NDRG3: variants seen among roughly 807,000 people sequenced by gnomAD.
The protein encoded by NDRG3 is NDRG family member 3, also known as protein NDRG3.
NDRG3 carries 23 observed loss-of-function variants against 57.2 expected under a neutral mutation model. That is an observed-to-expected ratio of 0.40 (90% CI 0.29 to 0.57). The LOEUF (loss-of-function observed/expected upper bound fraction) is 0.57. Among genes scored for constraint, NDRG3 ranks in the 20% least tolerant of loss-of-function variants. The pLI is 0.42. For synonymous variants in NDRG3, 132 were observed against 162.6 expected (o/e 0.81, Z 1.43); for missense variants, 384 against 457.3 (o/e 0.84, Z 1.46).
At chr20:36,714,998 GTGTGTGTGTATATATATATATATA>G (rs1180459449) in intron 2 of NDRG3, among the ~76,000 whole-genome samples, 2 of 56,882 alleles carry the variant, frequency 3.5e-5, no homozygotes, top group African/African-American at 8.2e-5. Context: ...GTGTGTGTGT[GTGTGTGTGTATATATATATATATA>G]TATATATATA....
chr20:36,669,810 C>T (rs970890167), intron 9 of NDRG3, among the ~76,000 whole-genome samples: 1 of 152,064 alleles, frequency 6.6e-6, no homozygotes, highest in Non-Finnish European at 1.5e-5. Context: ...GTTGGCCATG[C>T]TGGTCTCAAA....
chr20:36,705,680 G>A (rs1983511443), intron 3 of NDRG3, among the ~76,000 whole-genome samples: 1 of 152,108 alleles, frequency 6.6e-6, no homozygotes, highest in Admixed American at 6.6e-5. Flanking sequence ...GGAGGGTCAG[G>A]CTGCCCAGCT....
intron 1 of NDRG3, among the ~76,000 whole-genome samples, chr20:36,738,229 C>T (rs908908966): frequency 1.3e-5 from 2 of 151,992 alleles, no homozygotes; most frequent in Admixed American, 6.6e-5. Context: ...TTAAAACCAT[C>T]CCAACAAAAT....
intron 6 of NDRG3, among the ~76,000 whole-genome samples, chr20:36,684,024 T>A (rs1981562747): frequency 6.6e-6 from 1 of 152,184 alleles, no homozygotes; most frequent in Non-Finnish European, 1.5e-5. Context: ...ATACAGGGTG[T>A]CTCACTGTTA....
chr20:36,677,533 T>G (rs571439249), intron 8 of NDRG3, among the ~76,000 whole-genome samples: 1 of 152,254 alleles, frequency 6.6e-6, no homozygotes, highest in African/African-American at 2.4e-5. Context: ...GTAGAGACAC[T>G]GGACAACCAG....
At chr20:36,704,246 T>C (rs1983416655) in intron 3 of NDRG3, among the ~76,000 whole-genome samples, 1 of 152,038 alleles carries the variant, frequency 6.6e-6, no homozygotes, top group African/African-American at 2.4e-5. Context: ...CTGGCTAATT[T>C]TTGTATTTTT....
intron 1 of NDRG3, among the ~76,000 whole-genome samples, chr20:36,739,291 G>A (rs1600980382): frequency 6.8e-6 from 1 of 147,764 alleles, no homozygotes; most frequent in Non-Finnish European, 1.5e-5. Context: ...TACTAAAAAT[G>A]CAAAAATGAG....
chr20:36,655,755 T>G (rs371169358), intron 15 of NDRG3, among the ~76,000 whole-genome samples: 2 of 152,182 alleles, frequency 1.3e-5, no homozygotes, highest in South Asian at 2.1e-4. Flanking sequence ...GCAGCTGAAT[T>G]TTTACCCTTG....
chr20:36,721,527 CA>C (rs1162229172), intron 2 of NDRG3, 151 bp downstream of exon 2: 18,107 of 419,942 alleles, frequency 0.043, no homozygotes, highest in South Asian at 0.067. Context: ...GACACCGTCT[CA>C]AAAAAAAAAA....
intron 1 of NDRG3, among the ~76,000 whole-genome samples, chr20:36,738,273 G>A (rs928450312): frequency 2.0e-5 from 3 of 151,456 alleles, no homozygotes; most frequent in African/African-American, 7.3e-5. Context: ...TAGCACTTTC[G>A]GAGGCCAAGG....
At chr20:36,745,955 A>T in intron 1 of NDRG3, 90 bp downstream of exon 1, 1 of 277,512 alleles carries the variant, frequency 3.6e-6, no homozygotes, top group Non-Finnish European at 6.9e-6. Flanking sequence ...TGCCGCGGAG[A>T]TGATGCGGGG....
chr20:36,705,852 C>T (rs1337886000), intron 3 of NDRG3, among the ~76,000 whole-genome samples: 1 of 152,178 alleles, frequency 6.6e-6, no homozygotes, highest in African/African-American at 2.4e-5. Flanking sequence ...TCAAGCAATT[C>T]TCCCACCTCA....
At chr20:36,712,556 C>T (rs1300911486) in intron 2 of NDRG3, among the ~76,000 whole-genome samples, 56 of 69,338 alleles carry the variant, frequency 8.1e-4, no homozygotes, top group African/African-American at 2.3e-3. Flanking sequence ...CCACCATGCC[C>T]GGCTATATAT....
chr20:36,660,454 T>C, intron 12 of NDRG3, 70 bp from the exon 13 acceptor site: 2 of 1,177,530 alleles, frequency 1.7e-6, no homozygotes, highest in Admixed American at 3.5e-5. Context: ...TAGCTCGGTA[T>C]GAGAATCATC....
chr20:36,707,328 T>C (rs1255423702), intron 2 of NDRG3, among the ~76,000 whole-genome samples: 1 of 152,096 alleles, frequency 6.6e-6, no homozygotes, highest in Non-Finnish European at 1.5e-5. Context: ...GGGTAAAACA[T>C]GGACCACAGT....
At chr20:36,708,601 T>C (rs780653280) in intron 2 of NDRG3, among the ~76,000 whole-genome samples, 1 of 148,762 alleles carries the variant, frequency 6.7e-6, no homozygotes, top group Non-Finnish European at 1.5e-5. Flanking sequence ...TGAGCCGATA[T>C]TGAGCCATTG....
chr20:36,666,401 A>C lies in NDRG3; in HGVS notation c.589-9T>G. 6.3e-7 allele frequency: 1 copy of C among 1,596,204 alleles called. No individual in the cohort carries two copies. Among genetic ancestry groups the C allele is most frequent in the South Asian group, 1.1e-5 (1 of 90,664 alleles). On this transcript the variant is annotated splice_polypyrimidine_tract_variant and intron_variant, in intron 9 of 15. Transcript: ENST00000349004. Reference sequence around the variant, plus strand: ...TTGGCCTGTAACTCTTCCTAGAACAATTGAAAGAAGACATGGGTAAGCTTC... The same window carrying C: ...TTGGCCTGTAACTCTTCCTAGAACACTTGAAAGAAGACATGGGTAAGCTTC...
rs534276009 is a variant in NDRG3 at position 36,659,428 on chromosome 20, C to T, written c.858+909G>A. On this transcript the variant is annotated intron_variant, in intron 13 of 15. Coordinates refer to ENST00000349004, the MANE Select transcript of NDRG3 (RefSeq NM_032013.4). ...TAGGTGTGAGCCACCGTGCCCAGCC[C>T]GTCTCTAATTTTAATGATGTAAAAA... Among the ~76,000 whole-genome samples, 28 of 151,514 alleles carry T rather than the reference C, an allele frequency of 1.8e-4. 1 individual carries two copies. Among genetic ancestry groups the T allele is most frequent in the Middle Eastern group, 3.5e-3 (1 of 288 alleles).
At chr20:36,694,656 T>C (rs1033673594) in intron 3 of NDRG3, among the ~76,000 whole-genome samples, 1 of 152,224 alleles carries the variant, frequency 6.6e-6, no homozygotes, top group Non-Finnish European at 1.5e-5. Flanking sequence ...ATTGGCTCTG[T>C]TGTAAATCCT....
Sources: allele counts gnomAD v4.1 joint callset (sites outside exome capture counted in the v4.1 genomes callset), GRCh38; gene constraint gnomAD v4.1.1; transcripts MANE v1.5; gene names NCBI Gene and HGNC (gene_info 2026-07-23, HGNC 2026-07-21).